The following SLC17A1 variants were observed in gnomAD, a reference collection of about 807,000 sequenced individuals.
The protein encoded by SLC17A1 is solute carrier family 17 member 1.
A neutral mutation model predicts 53.5 loss-of-function variants in SLC17A1; 51 were observed. The observed-to-expected ratio is 0.95, with a 90% CI of 0.76 to 1.20. The LOEUF (loss-of-function observed/expected upper bound fraction) is 1.20, where lower values mean the gene tolerates loss of function less well. SLC17A1 is among the 50% of genes most tolerant of loss of function. The pLI is 0.00. For missense variants in SLC17A1, 538 were observed against 568.2 expected, an observed-to-expected ratio of 0.95 and a Z score of 0.54; for synonymous variants, 179 against 198.8, an observed-to-expected ratio of 0.90 and a Z score of 0.84.
At chr6:25,815,026 CACACA>C (rs1736262486) in intron 6 of SLC17A1, among the ~76,000 whole-genome samples, 1 of 142,862 alleles carries the variant, frequency 7.0e-6, no homozygotes, top group Admixed American at 7.1e-5. Flanking sequence ...CACACACACA[CACACA>C]AAGAATGAAA....
intron 10 of SLC17A1, among the ~76,000 whole-genome samples, chr6:25,806,483 C>G (rs1019026225): frequency 6.6e-6 from 1 of 152,060 alleles, no homozygotes; most frequent in African/African-American, 2.4e-5. Flanking sequence ...AGGATGCCCA[C>G]TTTCACCACT....
intron 10 of SLC17A1, among the ~76,000 whole-genome samples, chr6:25,802,015 G>A (rs1287120959): frequency 6.6e-6 from 1 of 152,142 alleles, no homozygotes; most frequent in Non-Finnish European, 1.5e-5. Context: ...TTGTTGTTCT[G>A]TTTTTCATTT....
At chr6:25,732,910 C>A in the SLC17A1 span, 1 of 223,342 alleles carries the variant, frequency 4.5e-6, no homozygotes, top group Non-Finnish European at 8.7e-6. Context: ...ACAAAAACCC[C>A]AAAGCTGAAA....
chr6:25,818,275 A>T (rs1051827768), intron 6 of SLC17A1, among the ~76,000 whole-genome samples: 34 of 152,100 alleles, frequency 2.2e-4, no homozygotes, highest in African/African-American at 7.7e-4. Flanking sequence ...GAGTTCTTTG[A>T]AGGCATCCTG....
At chr6:25,773,151 G>A in the SLC17A1 span, 1 of 781,752 alleles carries the variant, frequency 1.3e-6, no homozygotes, top group Non-Finnish European at 2.2e-6. Context: ...CCATGCAAGG[G>A]ATAGATGCCA....
chr6:25,752,068 C>T, the SLC17A1 span, among the ~76,000 whole-genome samples: 172 of 152,332 alleles, frequency 1.1e-3, no homozygotes, highest in South Asian at 5.2e-3. Context: ...ACTGCTTCTT[C>T]TCCCCACAGA....
At chr6:25,758,067 G>A in the SLC17A1 span, among the ~76,000 whole-genome samples, 13 of 152,204 alleles carry the variant, frequency 8.5e-5, no homozygotes, top group Non-Finnish European at 1.5e-4. Flanking sequence ...AGCCTCCAGT[G>A]TGGTGTAGAC....
chr6:25,826,113 C>T (rs942373572), intron 3 of SLC17A1, among the ~76,000 whole-genome samples: 2 of 152,018 alleles, frequency 1.3e-5, no homozygotes, highest in African/African-American at 4.8e-5. Flanking sequence ...ATTTAAATAT[C>T]CTGCAAGTCA....
At chr6:25,770,296 C>T in the SLC17A1 span, 1 of 1,613,858 alleles carries the variant, frequency 6.2e-7, no homozygotes, top group South Asian at 1.1e-5. Context: ...CAAGGCATAG[C>T]CCAGGTACCA....
the SLC17A1 span, among the ~76,000 whole-genome samples, chr6:25,767,895 G>T: frequency 6.6e-6 from 1 of 152,132 alleles, no homozygotes; most frequent in Non-Finnish European, 1.5e-5. Flanking sequence ...AAAAGCTGAT[G>T]AATATGATAG....
chr6:25,769,289 G>T, the SLC17A1 span: 1 of 1,117,792 alleles, frequency 8.9e-7, no homozygotes, highest in South Asian at 1.5e-5. Context: ...AGTATTTACT[G>T]AACATGTACT....
At chr6:25,831,362 T>C (rs918065151) in intron 1 of SLC17A1, among the ~76,000 whole-genome samples, 2 of 152,194 alleles carry the variant, frequency 1.3e-5, no homozygotes, top group African/African-American at 4.8e-5. Context: ...AGTCCTGAGA[T>C]TGGATTTGCA....
the SLC17A1 span, chr6:25,726,491 C>A: frequency 6.2e-7 from 1 of 1,612,306 alleles, no homozygotes; most frequent in Non-Finnish European, 8.5e-7. Context: ...TTAGACTTGG[C>A]GCGTGCTTTT....
chr6:25,813,084 C>T lies in SLC17A1; in HGVS notation c.735+11G>A. ...ATCTGGGAGATGCCAATATGGAGAACTGTGTTCTACCTGCTGGACCAGGGA... is the reference window on the plus strand; with the variant it reads ...ATCTGGGAGATGCCAATATGGAGAATTGTGTTCTACCTGCTGGACCAGGGA... On this transcript the variant is annotated intron_variant, in intron 7 of 12. Coordinates refer to ENST00000244527, the MANE Select transcript of SLC17A1 (RefSeq NM_005074.5). 6.2e-7 allele frequency: 1 copy of T among 1,612,514 alleles called. No individual in the cohort carries two copies. Among genetic ancestry groups the T allele is most frequent in the East Asian group, 2.2e-5 (1 of 44,870 alleles).
chr6:25,816,752 C>T (rs1764370597), intron 6 of SLC17A1, among the ~76,000 whole-genome samples: 1 of 151,974 alleles, frequency 6.6e-6, no homozygotes. Context: ...TTACTTGAGA[C>T]AGAAGACAGG....
the SLC17A1 span, among the ~76,000 whole-genome samples, chr6:25,753,098 C>G: frequency 5.9e-5 from 9 of 152,112 alleles, no homozygotes; most frequent in Non-Finnish European, 1.3e-4. Flanking sequence ...TAGGCTGACA[C>G]AAAATCAAGA....
chr6:25,770,291 C>T, the SLC17A1 span: 1 of 1,613,970 alleles, frequency 6.2e-7, no homozygotes, highest in South Asian at 1.1e-5. Flanking sequence ...TTGTACAAGG[C>T]ATAGCCCAGG....
At chr6:25,800,369 A>T (rs1763719142) in intron 11 of SLC17A1, among the ~76,000 whole-genome samples, 1 of 152,014 alleles carries the variant, frequency 6.6e-6, no homozygotes. Flanking sequence ...CTTTTGCTTT[A>T]CTTTTTTTGC....
At chr6:25,770,939 G>T in the SLC17A1 span, 31 of 1,613,564 alleles carry the variant, frequency 1.9e-5, no homozygotes, top group Non-Finnish European at 2.5e-5. Context: ...CAATGCTGGG[G>T]TCCTTCATTG....
Sources: gnomAD v4.1 joint callset for allele counts (sites outside exome capture counted in the v4.1 genomes callset) on GRCh38, gnomAD v4.1.1 for gene constraint, MANE v1.5 for transcripts, NCBI Gene and HGNC (gene_info 2026-07-23, HGNC 2026-07-21) for gene names.